The following KAZN variants were observed in gnomAD, a reference collection of about 807,000 sequenced individuals.
KAZN encodes kazrin, periplakin interacting protein, also known as kazrin.
Under a neutral mutation model 87.4 loss-of-function variants are expected in KAZN, and 40 were observed. The observed-to-expected ratio is 0.46, with a 90% CI of 0.36 to 0.60. The LOEUF is 0.60. KAZN is among the 20% of genes least tolerant of loss of function. KAZN has a pLI of 0.00. For missense variants in KAZN, 898 were observed against 1,073.9 expected (o/e 0.84, Z 2.29); for synonymous variants, 466 against 458.3 (o/e 1.02, Z -0.22).
At chr1:14,804,739 A>G (rs915338223) in intron 1 of KAZN, among the ~76,000 whole-genome samples, 2 of 152,042 alleles carry the variant, frequency 1.3e-5, no homozygotes, top group Admixed American at 6.5e-5. Flanking sequence ...TAAGGAGTCA[A>G]CACCACAGAG....
At chr1:14,113,035 G>C (rs1235039139) in intron 1 of KAZN, among the ~76,000 whole-genome samples, 1 of 152,178 alleles carries the variant, frequency 6.6e-6, no homozygotes, top group African/African-American at 2.4e-5. Flanking sequence ...CTGCTCATTA[G>C]AGATGAGGAG....
In KAZN at chr1:14,244,825, C is replaced by T. The variant is rs1211939732; in HGVS notation, c.249+64233C>T. 3.3e-5 allele frequency among the ~76,000 whole-genome samples: 5 copies of T among 152,104 alleles called. 1 individual carries two copies. Among genetic ancestry groups the T allele is most frequent in the African/African-American group, 4.8e-5 (2 of 41,470 alleles). On this transcript the variant is annotated intron_variant, in intron 2 of 16. Coordinates refer to the KAZN transcript ENST00000636203. ...GGGTAGGGGGTGTTGACAGAGAAAG[C>T]GTGTGCAGATTGTGTAGGGCCTTGT...
Position 15,016,204 on chromosome 1 carries a change from TG to T in KAZN, c.419-18543del, listed in dbSNP as rs563398884. Among the ~76,000 whole-genome samples, 402 of 152,260 alleles carry T rather than the reference TG, an allele frequency of 2.6e-3. 2 individuals carry two copies. The highest frequency in any genetic ancestry group is 9.4e-3 in the African/African-American group (389 of 41,514). On this transcript the variant is annotated intron_variant, in intron 2 of 14. Transcript: ENST00000376030. ...CGGACGCCAGGGACTGTGGCGAAAC[TG>T]GAAGCTGGAGGAGACTTTGAAGGGG...
intron 2 of KAZN, among the ~76,000 whole-genome samples, chr1:14,305,310 A>G (rs1169802225): frequency 6.6e-6 from 1 of 152,184 alleles, no homozygotes; most frequent in Non-Finnish European, 1.5e-5. Context: ...ATATCTTGGA[A>G]TTTAAGGATA....
At chr1:14,093,777 G>A (rs1644062257) in intron 1 of KAZN, among the ~76,000 whole-genome samples, 2 of 152,212 alleles carry the variant, frequency 1.3e-5, no homozygotes, top group South Asian at 4.1e-4. Flanking sequence ...CAAAAGTAAA[G>A]GGAAGGCCAC....
At chr1:14,886,039 G>A (rs913314059) in intron 1 of KAZN, among the ~76,000 whole-genome samples, 3 of 151,828 alleles carry the variant, frequency 2.0e-5, no homozygotes, top group Admixed American at 1.3e-4. Context: ...CACAACACCT[G>A]CAAATGTGGC....
At chr1:14,258,798 TGCAGGTGACTACAACCTC>T (rs1171804118) in intron 2 of KAZN, among the ~76,000 whole-genome samples, 1 of 152,236 alleles carries the variant, frequency 6.6e-6, no homozygotes, top group African/African-American at 2.4e-5. Context: ...TCACCTGGAA[TGCAGGTGACTACAACCTC>T]GCAGGAATAT....
chr1:14,402,075 TTA>T (rs953236099), intron 2 of KAZN, among the ~76,000 whole-genome samples: 29 of 105,088 alleles, frequency 2.8e-4, no homozygotes, highest in African/African-American at 8.1e-4. Context: ...TTTTCAAAAG[TTA>T]TGAGTCTATG....
At chr1:14,089,690 A>G (rs1169103443) in intron 1 of KAZN, among the ~76,000 whole-genome samples, 1 of 152,152 alleles carries the variant, frequency 6.6e-6, no homozygotes, top group African/African-American at 2.4e-5. Context: ...TATTTACAAA[A>G]GTGAGAAAAC....
At chr1:14,123,899 T>C (rs1360687986) in intron 1 of KAZN, among the ~76,000 whole-genome samples, 1 of 152,140 alleles carries the variant, frequency 6.6e-6, no homozygotes, top group Non-Finnish European at 1.5e-5. Context: ...GGGCCTTTTC[T>C]TCACCAGCTC....
intron 2 of KAZN, among the ~76,000 whole-genome samples, chr1:14,215,329 G>A (rs569663509): frequency 5.3e-5 from 8 of 152,184 alleles, no homozygotes; most frequent in African/African-American, 4.8e-5. Flanking sequence ...AGTGTGGCTT[G>A]TAGGATTTAT....
At chr1:13,980,634 A>T (rs138737885) in intron 1 of KAZN, among the ~76,000 whole-genome samples, 2 of 152,212 alleles carry the variant, frequency 1.3e-5, no homozygotes, top group East Asian at 3.9e-4. Context: ...AAAAGCAGGC[A>T]TAACTAAAAG....
At chr1:14,920,504 T>C in intron 1 of KAZN, among the ~76,000 whole-genome samples, 1 of 151,878 alleles carries the variant, frequency 6.6e-6, no homozygotes, top group East Asian at 1.9e-4. Flanking sequence ...AATCCCCCCT[T>C]CCTGCTGCCC....
intron 8 of KAZN, among the ~76,000 whole-genome samples, chr1:15,076,551 T>G (rs1054473696): frequency 3.3e-5 from 5 of 152,188 alleles, no homozygotes; most frequent in East Asian, 1.9e-4. Flanking sequence ...CCCAGCTGCT[T>G]CTTTCAGGGC....
intron 1 of KAZN, among the ~76,000 whole-genome samples, chr1:14,955,748 C>G (rs1305308914): frequency 6.6e-6 from 1 of 152,226 alleles, no homozygotes; most frequent in Non-Finnish European, 1.5e-5. Context: ...GCACCCAGCT[C>G]CATCTCACTC....
chr1:14,542,039 G>T (rs1672843947), intron 2 of KAZN, among the ~76,000 whole-genome samples: 1 of 152,104 alleles, frequency 6.6e-6, no homozygotes, highest in Non-Finnish European at 1.5e-5. Flanking sequence ...AATGGGCCTG[G>T]CTTACGTGAC....
intron 1 of KAZN, among the ~76,000 whole-genome samples, chr1:14,845,595 A>T (rs1490546920): frequency 6.6e-6 from 1 of 151,902 alleles, no homozygotes; most frequent in Non-Finnish European, 1.5e-5. Flanking sequence ...GGATGGATGG[A>T]TGGAGTAAAC....
chr1:13,992,089 A>G (rs1219392333), intron 1 of KAZN, among the ~76,000 whole-genome samples: 1 of 152,026 alleles, frequency 6.6e-6, no homozygotes, highest in Non-Finnish European at 1.5e-5. Context: ...ACAACTCCCA[A>G]ATGGTCCCAG....
intron 2 of KAZN, among the ~76,000 whole-genome samples, chr1:14,471,172 A>G (rs1668433839): frequency 6.6e-6 from 1 of 152,162 alleles, no homozygotes; most frequent in East Asian, 1.9e-4. Context: ...GAAATCATAA[A>G]TGTTATTGTT....
Sources: gnomAD v4.1 joint callset for allele counts (sites outside exome capture counted in the v4.1 genomes callset) on GRCh38, gnomAD v4.1.1 for gene constraint, MANE v1.5 for transcripts, NCBI Gene and HGNC (gene_info 2026-07-23, HGNC 2026-07-21) for gene names.